PKNOX1: variants seen among roughly 807,000 people sequenced by gnomAD.
The protein encoded by PKNOX1 is homeobox protein PKNOX1.
In PKNOX1, 15 loss-of-function variants were observed where a neutral mutation model predicts 51.9. That is an observed-to-expected ratio of 0.29 (90% CI 0.19 to 0.45). PKNOX1 has a LOEUF of 0.45. Among genes scored for constraint, PKNOX1 ranks in the 20% least tolerant of loss-of-function variants. The pLI, the probability that PKNOX1 is intolerant of heterozygous loss-of-function variation, is 1.00. For synonymous variants in PKNOX1, 219 were observed against 211.1 expected, an observed-to-expected ratio of 1.04 and a Z score of -0.32; for missense variants, 462 against 547.5, an observed-to-expected ratio of 0.84 and a Z score of 1.56.
intron 1 of PKNOX1, among the ~76,000 whole-genome samples, chr21:42,989,528 C>G (rs2059074685): frequency 7.2e-5 from 11 of 152,064 alleles, no homozygotes; most frequent in Admixed American, 7.2e-4. Flanking sequence ...GTGATTCTCT[C>G]AAGTCTCAGC....
At chr21:43,012,957 A>G (rs1979320033) in intron 4 of PKNOX1, 111 bp from the exon 5 acceptor site, 2 of 802,576 alleles carry the variant, frequency 2.5e-6, no homozygotes, top group South Asian at 1.8e-5. Flanking sequence ...CACTTTGGTT[A>G]TTGGCAGTAG....
Position 43,030,717 on chromosome 21 carries a change from T to G in PKNOX1, c.*616T>G, listed in dbSNP as rs1980226489. 2.6e-5 allele frequency: 4 copies of G among 152,632 alleles called. No individual in the cohort carries two copies. The highest frequency in any genetic ancestry group is 2.6e-4 in the Admixed American group (4 of 15,282). The allele number at this position is 152,632 out of a possible 1,614,324, so 9.5% of individuals were successfully genotyped here. A position where few individuals can be genotyped will look rare whatever the true frequency, so the allele number is the denominator to read the frequency against. ...GGATAAAAAAGCTATTTTTATAAAT[T>G]CGTTATGAATTGGATGATGACTATA... On this transcript the variant is annotated 3_prime_UTR_variant, in exon 11 of 11. Coordinates refer to ENST00000291547, the MANE Select transcript of PKNOX1 (RefSeq NM_004571.5).
Position 43,030,011 on chromosome 21 carries a change from GTC to G in PKNOX1, c.1223_1224del (p.Ser408CysfsTer25). 6.2e-7 allele frequency: 1 copy of G among 1,614,080 alleles called. No individual in the cohort carries two copies. The highest frequency in any genetic ancestry group is 8.5e-7 in the Non-Finnish European group (1 of 1,180,034). On this transcript the variant is annotated frameshift_variant, in exon 11 of 11. Transcript: ENST00000291547. LOFTEE classifies it low-confidence loss of function (END_TRUNC). ...TGATGGCAGGGCAGAGCGAGGACGA[GTC>G]TGTGGACAGCACAGAGGAGGATGCG... Reference protein sequence around the residue: ...VMMAGQSEDESVDSTEEDAGA... With the variant: ...VMMAGQSEDEXVDSTEEDAGA...
At chr21:42,981,517 G>A (rs968112428) in intron 1 of PKNOX1, among the ~76,000 whole-genome samples, 4 of 152,182 alleles carry the variant, frequency 2.6e-5, no homozygotes, top group Admixed American at 6.5e-5. Context: ...TTGAGAAGGG[G>A]ACAGAGCAGC....
chr21:42,982,410 AT>A (rs1404809933), intron 1 of PKNOX1, among the ~76,000 whole-genome samples: 1 of 152,174 alleles, frequency 6.6e-6, no homozygotes, highest in Non-Finnish European at 1.5e-5. Flanking sequence ...TGCATTAAAA[AT>A]GTTAGGAATT....
chr21:42,984,099 T>C lies in PKNOX1; in HGVS notation c.-57+9435T>C, dbSNP rs572228848. ...GTGTGTGTGCGTGTGTGTGTGTGTG[T>C]GTGTGTGTGTTTTAAAGAGACAGGG... On this transcript the variant is annotated intron_variant, in intron 1 of 10. Transcript: ENST00000291547. Among the ~76,000 whole-genome samples the C allele has an allele frequency of 1.9e-3, 292 of 151,624 alleles. 6 individuals are homozygous for C. Among genetic ancestry groups the C allele is most frequent in the Non-Finnish European group, 8.5e-4 (58 of 67,978 alleles).
intron 5 of PKNOX1, among the ~76,000 whole-genome samples, chr21:43,015,817 A>ATT (rs71332387): frequency 6.9e-6 from 1 of 145,704 alleles, no homozygotes. Flanking sequence ...TTGTGTCTCT[A>ATT]TTTTTTTTTT....
At chr21:42,993,735 C>T (rs113917904) in intron 1 of PKNOX1, among the ~76,000 whole-genome samples, 2,610 of 15,466 alleles carry the variant, frequency 0.17, 164 homozygotes, top group Non-Finnish European at 0.22. Context: ...CTTTTTTTTT[C>T]TTTTTTTTTT....
chr21:42,979,904 T>C (rs1330602380), intron 1 of PKNOX1, among the ~76,000 whole-genome samples: 1 of 152,210 alleles, frequency 6.6e-6, no homozygotes, highest in East Asian at 1.9e-4. Context: ...AAGTGTGCCT[T>C]AGAATTGATG....
chr21:43,015,841 A>G (rs1979466871), intron 5 of PKNOX1, among the ~76,000 whole-genome samples: 1 of 151,558 alleles, frequency 6.6e-6, no homozygotes. Context: ...CAGTCTTTCT[A>G]GAGGTTTATG....
intron 1 of PKNOX1, among the ~76,000 whole-genome samples, chr21:42,981,726 A>AT (rs2146222290): frequency 6.6e-6 from 1 of 152,206 alleles, no homozygotes; most frequent in African/African-American, 2.4e-5. Context: ...CACCCAGCTA[A>AT]TTGTACTGTT....
intron 1 of PKNOX1, among the ~76,000 whole-genome samples, chr21:42,999,090 C>G (rs986652654): frequency 1.3e-5 from 2 of 152,244 alleles, no homozygotes; most frequent in Non-Finnish European, 2.9e-5. Flanking sequence ...TGTATATTTT[C>G]TGAAATCTAG....
chr21:42,976,337 A>G (rs4920018), intron 1 of PKNOX1, among the ~76,000 whole-genome samples: 5,789 of 152,302 alleles, frequency 0.038, 140 homozygotes, highest in Middle Eastern at 0.061. Flanking sequence ...TGCTTGTTTT[A>G]TACTTTGACA....
intron 1 of PKNOX1, among the ~76,000 whole-genome samples, chr21:42,977,954 T>G (rs1378548070): frequency 6.6e-6 from 1 of 152,166 alleles, no homozygotes; most frequent in Non-Finnish European, 1.5e-5. Flanking sequence ...TGTGGCTGGT[T>G]TGATCTAATC....
Position 42,992,118 on chromosome 21 carries a change from G to C in PKNOX1, c.-56-12208G>C, listed in dbSNP as rs373849184. 5.3e-5 allele frequency among the ~76,000 whole-genome samples: 8 copies of C among 152,356 alleles called. No individual in the cohort carries two copies. In the South Asian group the frequency reaches 6.2e-4, roughly 12 times the overall value. On this transcript the variant is annotated intron_variant, in intron 1 of 10. Transcript: ENST00000291547. ...TTCGTGGTGCTTGCCTCATGGGCCAGCTGCTTCATCAGCTCACCCTGTGTT... is the reference window on the plus strand; with the variant it reads ...TTCGTGGTGCTTGCCTCATGGGCCACCTGCTTCATCAGCTCACCCTGTGTT...
At position 43,018,047 on chromosome 21, in the gene PKNOX1, C is replaced by CAAAAAAAAA. The variant is rs60175567; in HGVS notation, c.623-71_623-63dup. 7.0e-4 allele frequency: 197 copies of CAAAAAAAAA among 279,614 alleles called. 1 individual carries two copies. Among genetic ancestry groups the CAAAAAAAAA allele is most frequent in the South Asian group, 8.9e-4 (31 of 34,768 alleles). 17.3% of individuals were successfully genotyped at this position (279,614 alleles called of 1,614,324 possible). A position where few individuals can be genotyped will look rare whatever the true frequency, so the allele number is the denominator to read the frequency against. The stretch of plus-strand genomic sequence containing the variant: ...CAACAAAGCAATGTCCCTGTCTCTA[C>CAAAAAAAAA]AAAAAAAAAAAAAAAAAAAAAAAGA... On this transcript the variant is annotated intron_variant, in intron 6 of 10. Transcript: ENST00000291547.
chr21:42,975,661 G>A (rs951915789), intron 1 of PKNOX1, among the ~76,000 whole-genome samples: 1 of 152,220 alleles, frequency 6.6e-6, no homozygotes, highest in African/African-American at 2.4e-5. Flanking sequence ...GATTCCTGAC[G>A]GGAGGCCCGA....
Position 43,016,899 on chromosome 21 carries a change from G to T in PKNOX1, c.523-9G>T. 2 of 1,587,794 alleles carry T rather than the reference G, an allele frequency of 1.3e-6. No homozygotes were observed. Among genetic ancestry groups the T allele is most frequent in the South Asian group, 2.2e-5 (2 of 90,104 alleles). ...GTAATTCCTTCAACATGTGTGTTCTGACTTGCAGCAGATTCAAAGTGCCAT... is the reference window on the plus strand; with the variant it reads ...GTAATTCCTTCAACATGTGTGTTCTTACTTGCAGCAGATTCAAAGTGCCAT... On this transcript the variant is annotated splice_polypyrimidine_tract_variant and intron_variant, in intron 5 of 10. Transcript: ENST00000291547.
chr21:43,012,329 G>A (rs774627699), intron 4 of PKNOX1, among the ~76,000 whole-genome samples: 1 of 152,222 alleles, frequency 6.6e-6, no homozygotes, highest in Non-Finnish European at 1.5e-5. Flanking sequence ...GGAGGCTGAG[G>A]CAGGTGGATC....
Sources: allele counts gnomAD v4.1 joint callset (sites outside exome capture counted in the v4.1 genomes callset), GRCh38; gene constraint gnomAD v4.1.1; transcripts MANE v1.5; gene names NCBI Gene and HGNC (gene_info 2026-07-23, HGNC 2026-07-21).